UGT2B17: variants seen among roughly 807,000 people sequenced by gnomAD.
UGT2B17 encodes the protein UDP glucuronosyltransferase family 2 member B17.
UGT2B17 carries 21 observed loss-of-function variants against 48.2 expected under a neutral mutation model. The ratio of observed to expected loss-of-function variants is 0.44; its 90% CI spans 0.31 to 0.63. The LOEUF (loss-of-function observed/expected upper bound fraction) is 0.63, where lower values mean the gene tolerates loss of function less well. Among genes scored for constraint, UGT2B17 ranks in the 20% least tolerant of loss-of-function variants. The pLI is 0.08. For synonymous variants in UGT2B17, 146 were observed against 238.4 expected (o/e 0.61, Z 3.57); for missense variants, 402 against 696.1 (o/e 0.58, Z 4.75).
intron 6 of UGT2B17, among the ~76,000 whole-genome samples, chr4:68,542,893 G>C (rs1396332292): frequency 7.9e-6 from 1 of 126,900 alleles, no homozygotes; most frequent in Non-Finnish European, 1.7e-5. Flanking sequence ...GAGACTGGGG[G>C]AGGGGCGCCT....
At chr4:68,552,065 A>C (rs1730925703) in intron 4 of UGT2B17, among the ~76,000 whole-genome samples, 154 bp from the exon 5 acceptor site, 1 of 126,952 alleles carries the variant, frequency 7.9e-6, no homozygotes, top group Non-Finnish European at 1.7e-5. Flanking sequence ...TAAAAGTCTG[A>C]GGTAAGCTGA....
In UGT2B17 at chr4:68,554,559, A is replaced by C. The variant is rs1352666443; in HGVS notation, c.1006-2648T>G. 4.8e-5 allele frequency among the ~76,000 whole-genome samples: 6 copies of C among 125,482 alleles called. 2 individuals are homozygous for C. The highest frequency in any genetic ancestry group is 1.6e-4 in the African/African-American group (6 of 36,838). 82.3% of individuals were successfully genotyped at this position (125,482 alleles called of 152,430 possible). On this transcript the variant is annotated intron_variant, in intron 4 of 6. Transcript: ENST00000317746. ...GTGATTTTTTTTTATCTCATAGCTAAATTTCTGAAGTAAAAACCACATAAT... is the reference window on the plus strand; with the variant it reads ...GTGATTTTTTTTTATCTCATAGCTACATTTCTGAAGTAAAAACCACATAAT...
At position 68,573,619 on chromosome 4, in the gene UGT2B17, C is replaced by T. The variant is rs1306078083; in HGVS notation, c.-65+2332G>A. Among the ~76,000 whole-genome samples, 10 of 125,804 alleles carry T rather than the reference C, an allele frequency of 7.9e-5. 2 individuals carry two copies. The highest frequency in any genetic ancestry group is 2.7e-4 in the African/African-American group (10 of 36,730). 82.5% of individuals were successfully genotyped at this position (125,804 alleles called of 152,430 possible). A position where few individuals can be genotyped will look rare whatever the true frequency, so the allele number is the denominator to read the frequency against. ...TACGATGTGTTATTATTATTTTTTC[C>T]TTCCTCTGGTTGATGAAATGCCAGG... On this transcript the variant is annotated intron_variant, in intron 1 of 6. Coordinates refer to ENST00000317746, the MANE Select transcript of UGT2B17 (RefSeq NM_001077.4).
chr4:68,540,956 C>G (rs1375408406), intron 6 of UGT2B17, among the ~76,000 whole-genome samples: 1 of 125,568 alleles, frequency 8.0e-6, no homozygotes, highest in Admixed American at 8.2e-5. Flanking sequence ...TCATCCATGT[C>G]CCTGCAACAG....
chr4:68,575,585 C>G lies in UGT2B17; in HGVS notation c.-65+366G>C, dbSNP rs1201564114. 5.6e-5 allele frequency among the ~76,000 whole-genome samples: 7 copies of G among 125,748 alleles called. 3 individuals are homozygous for G. Among genetic ancestry groups the G allele is most frequent in the African/African-American group, 1.9e-4 (7 of 36,676 alleles). 82.5% of individuals were successfully genotyped at this position (125,748 alleles called of 152,430 possible). A position where few individuals can be genotyped will look rare whatever the true frequency, so the allele number is the denominator to read the frequency against. On this transcript the variant is annotated intron_variant, in intron 1 of 6. Coordinates refer to ENST00000317746, the MANE Select transcript of UGT2B17 (RefSeq NM_001077.4). ...GAGACAAAACACCATGCTCACAGCACACACACACCACAAAACAAAGAACGG... is the reference window on the plus strand; with the variant it reads ...GAGACAAAACACCATGCTCACAGCAGACACACACCACAAAACAAAGAACGG...
chr4:68,553,010 T>G (rs1730943232), intron 4 of UGT2B17, among the ~76,000 whole-genome samples: 1 of 125,418 alleles, frequency 8.0e-6, no homozygotes, highest in African/African-American at 2.7e-5. Context: ...AGTTTTAGCC[T>G]GAAACCCATC....
chr4:68,551,946 T>C, intron 4 of UGT2B17, 35 bp from the exon 5 acceptor site: 1 of 1,199,848 alleles, frequency 8.3e-7, no homozygotes, highest in Non-Finnish European at 1.1e-6. Context: ...GTTCAATGAA[T>C]AGAACTCTAA....
chr4:68,565,686 T>C lies in UGT2B17; in HGVS notation c.759A>G (p.Lys253=). The C allele has an allele frequency of 7.3e-7, 1 of 1,364,198 alleles. No individual in the cohort carries two copies. Among genetic ancestry groups the C allele is most frequent in the Non-Finnish European group, 9.6e-7 (1 of 1,047,108 alleles). The allele number at this position is 1,364,198 out of a possible 1,614,324, so 84.5% of individuals were successfully genotyped here. The part of the protein sequence containing the change: ...RPTTLFETMG[K]AEMWLIRTYW... The stretch of plus-strand genomic sequence containing the variant: ...AGGTTCGAATGAGCCACATTTCAGC[T>C]TTCCCCATTGTCTCAAATAATGTAG... The change falls in exon 3 of 7, where the codon AAA becomes AAG. Residue 253 remains lysine (K), a synonymous_variant. Transcript: ENST00000317746.
rs1731285991 is a variant in UGT2B17, at chr4:68,570,776, T to G, written c.-64-2228A>C. On this transcript the variant is annotated intron_variant, in intron 1 of 6. Transcript: ENST00000317746. Reference sequence around the variant, plus strand: ...GTTTTTATAATTATTGTAACTCCTATTATAAGAGTTTTAAATTTTTCTAGT... The same window carrying G: ...GTTTTTATAATTATTGTAACTCCTAGTATAAGAGTTTTAAATTTTTCTAGT... Among the ~76,000 whole-genome samples, 2 of 126,466 alleles carry G rather than the reference T, an allele frequency of 1.6e-5. 1 individual carries two copies. Among genetic ancestry groups the G allele is most frequent in the African/African-American group, 5.4e-5 (2 of 36,824 alleles). 83.0% of individuals were successfully genotyped at this position (126,466 alleles called of 152,430 possible). A position where few individuals can be genotyped will look rare whatever the true frequency, so the allele number is the denominator to read the frequency against.
rs1730942930 is a variant in UGT2B17, at chr4:68,552,990, G to A, written c.1006-1079C>T. 4.0e-5 allele frequency among the ~76,000 whole-genome samples: 5 copies of A among 125,414 alleles called. 2 individuals carry two copies. In the South Asian group the frequency reaches 1.9e-3, roughly 47 times the overall value. The allele number at this position is 125,414 out of a possible 152,430, so 82.3% of individuals were successfully genotyped here. On this transcript the variant is annotated intron_variant, in intron 4 of 6. Coordinates refer to ENST00000317746, the MANE Select transcript of UGT2B17 (RefSeq NM_001077.4). ...GAGGTTTCTTTCCTACTTCTAGGAC[G>A]ACAGAGGGCAGTTTTAGCCTGAAAC...
chr4:68,541,506 GTAAAT>G lies in UGT2B17; in HGVS notation c.1314-3607_1314-3603del, dbSNP rs1466127502. On this transcript the variant is annotated intron_variant, in intron 6 of 6. Transcript: ENST00000317746. ...TTTTGGTGGTGGTGTTTTTTTTCTT[GTAAAT>G]TTGTTTAAGTTACTTGTAGATTCTG... Among the ~76,000 whole-genome samples, 34 of 125,244 alleles carry G rather than the reference GTAAAT, an allele frequency of 2.7e-4. 8 individuals carry two copies. Among genetic ancestry groups the G allele is most frequent in the African/African-American group, 9.2e-4 (34 of 36,792 alleles). 82.2% of individuals were successfully genotyped at this position (125,244 alleles called of 152,430 possible). A position where few individuals can be genotyped will look rare whatever the true frequency, so the allele number is the denominator to read the frequency against.
chr4:68,565,213 G>A lies in UGT2B17; in HGVS notation c.873+359C>T, dbSNP rs1731175660. ...TTCAAAGTACAATGTTAGGCATGAG[G>A]GCGCAGAAACTGTGCTACCTTTATT... On this transcript the variant is annotated intron_variant, in intron 3 of 6. Transcript: ENST00000317746. 2.4e-5 allele frequency among the ~76,000 whole-genome samples: 3 copies of A among 125,578 alleles called. 1 individual carries two copies. Among genetic ancestry groups the A allele is most frequent in the Non-Finnish European group, 5.0e-5 (3 of 59,470 alleles). 82.4% of individuals were successfully genotyped at this position (125,578 alleles called of 152,430 possible).
In UGT2B17 at chr4:68,546,883, C is replaced by T. The variant is rs1162337226; in HGVS notation, c.1313+3794G>A. ...CCAACTTACAAGGGATGTGAAGGAC[C>T]TCTTCAAGGAGAACTACAAACCACT... On this transcript the variant is annotated intron_variant, in intron 6 of 6. Coordinates refer to ENST00000317746, the MANE Select transcript of UGT2B17 (RefSeq NM_001077.4). Among the ~76,000 whole-genome samples, 2 of 123,840 alleles carry T rather than the reference C, an allele frequency of 1.6e-5. 1 individual carries two copies. Among genetic ancestry groups the T allele is most frequent in the Non-Finnish European group, 3.4e-5 (2 of 58,770 alleles). 81.2% of individuals were successfully genotyped at this position (123,840 alleles called of 152,430 possible). A position where few individuals can be genotyped will look rare whatever the true frequency, so the allele number is the denominator to read the frequency against.
rs185533426 is a variant in UGT2B17 at position 68,567,309 on chromosome 4, T to A, written c.724+452A>T. Reference sequence around the variant, plus strand: ...CTCAACTGTGAAGGAATCCTTCTTATATGAAAAACAAAATTTAATTTCTAA... The same window carrying A: ...CTCAACTGTGAAGGAATCCTTCTTAAATGAAAAACAAAATTTAATTTCTAA... On this transcript the variant is annotated intron_variant, in intron 2 of 6. Coordinates refer to ENST00000317746, the MANE Select transcript of UGT2B17 (RefSeq NM_001077.4). 1.6e-5 allele frequency among the ~76,000 whole-genome samples: 2 copies of A among 126,442 alleles called. 1 individual carries two copies. Among genetic ancestry groups the A allele is most frequent in the Admixed American group, 1.6e-4 (2 of 12,328 alleles). The allele number at this position is 126,442 out of a possible 152,430, so 83.0% of individuals were successfully genotyped here. A position where few individuals can be genotyped will look rare whatever the true frequency, so the allele number is the denominator to read the frequency against.
rs1373288458 is a variant in UGT2B17, at chr4:68,572,439, C to T, written c.-65+3512G>A. Among the ~76,000 whole-genome samples, 2 of 126,344 alleles carry T rather than the reference C, an allele frequency of 1.6e-5. 1 individual carries two copies. Among genetic ancestry groups the T allele is most frequent in the Non-Finnish European group, 3.4e-5 (2 of 59,672 alleles). The allele number at this position is 126,344 out of a possible 152,430, so 82.9% of individuals were successfully genotyped here. ...ATACCTTGGATAGAATAGCATTATA[C>T]AAACAATTTGTTGTTGTTTTTGTTG... On this transcript the variant is annotated intron_variant, in intron 1 of 6. Coordinates refer to ENST00000317746, the MANE Select transcript of UGT2B17 (RefSeq NM_001077.4).
Position 68,537,505 on chromosome 4 carries a change from G to T in UGT2B17, c.*120C>A, listed in dbSNP as rs1730573906. 1.1e-6 allele frequency: 1 copy of T among 895,482 alleles called. No homozygotes were observed. Among genetic ancestry groups the T allele is most frequent in the Admixed American group, 3.4e-5 (1 of 29,550 alleles). 55.5% of individuals were successfully genotyped at this position (895,482 alleles called of 1,614,324 possible). A position where few individuals can be genotyped will look rare whatever the true frequency, so the allele number is the denominator to read the frequency against. On this transcript the variant is annotated 3_prime_UTR_variant, in exon 7 of 7. Coordinates refer to ENST00000317746, the MANE Select transcript of UGT2B17 (RefSeq NM_001077.4). ...GGAAAATAAATTTTGACTTAACAGGGTAAGTTGTGAAAAGACGTTTTGTCG... is the reference window on the plus strand; with the variant it reads ...GGAAAATAAATTTTGACTTAACAGGTTAAGTTGTGAAAAGACGTTTTGTCG...
chr4:68,550,908 T>C lies in UGT2B17; in HGVS notation c.1094-12A>G, dbSNP rs763595133. 4 of 1,348,424 alleles carry C rather than the reference T, an allele frequency of 3.0e-6. No individual in the cohort carries two copies. The highest frequency in any genetic ancestry group is 3.9e-6 in the Non-Finnish European group (4 of 1,032,656). The allele number at this position is 1,348,424 out of a possible 1,614,324, so 83.5% of individuals were successfully genotyped here. ...GGTTTTGGGATGACCTAAAAGTGGA[T>C]GCATTTTAACAAAGTTATTAATTAT... On this transcript the variant is annotated splice_polypyrimidine_tract_variant and intron_variant, in intron 5 of 6. Coordinates refer to ENST00000317746, the MANE Select transcript of UGT2B17 (RefSeq NM_001077.4).
At position 68,571,807 on chromosome 4, in the gene UGT2B17, A is replaced by T. The variant is rs565638784; in HGVS notation, c.-64-3259T>A. Among the ~76,000 whole-genome samples, 2 of 126,346 alleles carry T rather than the reference A, an allele frequency of 1.6e-5. 1 individual carries two copies. The highest frequency in any genetic ancestry group is 7.0e-4 in the South Asian group (2 of 2,850). 82.9% of individuals were successfully genotyped at this position (126,346 alleles called of 152,430 possible). A position where few individuals can be genotyped will look rare whatever the true frequency, so the allele number is the denominator to read the frequency against. On this transcript the variant is annotated intron_variant, in intron 1 of 6. Coordinates refer to ENST00000317746, the MANE Select transcript of UGT2B17 (RefSeq NM_001077.4). ...AGGCTAATTGCAAAAAGAAATTTTT[A>T]GTTTTTCCTGGAATCTCAGGTACTG...
At chr4:68,567,427 C>T (rs1374305183) in intron 2 of UGT2B17, among the ~76,000 whole-genome samples, 3 of 125,882 alleles carry the variant, frequency 2.4e-5, no homozygotes, top group African/African-American at 8.2e-5. Flanking sequence ...TGTATGTCTG[C>T]CTTCATGAAG....
Sources: allele counts gnomAD v4.1 joint callset (sites outside exome capture counted in the v4.1 genomes callset), GRCh38; gene constraint gnomAD v4.1.1; transcripts MANE v1.5; gene names NCBI Gene and HGNC (gene_info 2026-07-23, HGNC 2026-07-21).